The following MED12L variants were observed in gnomAD, a reference collection of about 807,000 sequenced individuals.
MED12L encodes the protein mediator complex subunit 12L.
A neutral mutation model predicts 281.3 loss-of-function variants in MED12L; 60 were observed. That is an observed-to-expected ratio of 0.21 (90% CI 0.17 to 0.26). MED12L has a LOEUF of 0.26. Ranked by LOEUF, MED12L falls within the 10% of genes least tolerant of loss-of-function variation. The pLI, the probability that MED12L is intolerant of heterozygous loss-of-function variation, is 1.00. For missense variants in MED12L, 2,146 were observed against 2,680.9 expected (o/e 0.80, Z 4.41); for synonymous variants, 974 against 987.2 (o/e 0.99, Z 0.25).
intron 16 of MED12L, among the ~76,000 whole-genome samples, chr3:151,244,713 A>G (rs1316361273): frequency 4.6e-5 from 7 of 151,600 alleles, no homozygotes; most frequent in African/African-American, 9.7e-5. Context: ...AAGAACTAGA[A>G]AAGCAAGAGC....
intron 16 of MED12L, among the ~76,000 whole-genome samples, chr3:151,247,506 G>C (rs201692271): frequency 6.7e-6 from 1 of 149,422 alleles, no homozygotes; most frequent in Non-Finnish European, 1.5e-5. Context: ...GTAAACTATC[G>C]CAAGAACAAA....
At chr3:151,232,583 T>C (rs1731899581) in intron 16 of MED12L, among the ~76,000 whole-genome samples, 1 of 152,212 alleles carries the variant, frequency 6.6e-6, no homozygotes, top group South Asian at 2.1e-4. Context: ...GTGGCACATA[T>C]ATGCCATGGA....
intron 5 of MED12L, among the ~76,000 whole-genome samples, chr3:151,152,075 G>A (rs933905610): frequency 1.3e-4 from 18 of 134,180 alleles, no homozygotes; most frequent in Admixed American, 1.1e-3. Flanking sequence ...TTGTGGATCA[G>A]TTGAAGGTGG....
intron 11 of MED12L, 104 bp downstream of exon 11, chr3:151,166,086 T>A: frequency 1.1e-6 from 1 of 945,134 alleles, no homozygotes; most frequent in Non-Finnish European, 1.6e-6. Flanking sequence ...TGAAGTGTAG[T>A]ATCTTATGAA....
chr3:151,332,735 G>A (rs927219554), intron 16 of MED12L, among the ~76,000 whole-genome samples: 18 of 135,892 alleles, frequency 1.3e-4, no homozygotes, highest in African/African-American at 3.5e-4. Flanking sequence ...GTAGACTGAC[G>A]TGATTTTTTT....
At chr3:151,236,090 C>G (rs1732722124) in intron 16 of MED12L, among the ~76,000 whole-genome samples, 1 of 152,150 alleles carries the variant, frequency 6.6e-6, no homozygotes, top group African/African-American at 2.4e-5. Flanking sequence ...TAAAGGTAAG[C>G]TTTGCCAGAC....
intron 16 of MED12L, chr3:151,300,030 A>C: frequency 1.4e-6 from 2 of 1,431,986 alleles, no homozygotes; most frequent in Middle Eastern, 1.7e-4. Context: ...GTCATCAATA[A>C]AGTAAGATTT....
chr3:151,394,621 A>G (rs1443964987), intron 38 of MED12L, 35 bp from the exon 39 acceptor site: 1 of 1,610,696 alleles, frequency 6.2e-7, no homozygotes, highest in Non-Finnish European at 8.5e-7. Flanking sequence ...GCATTAACGT[A>G]GTTAGAAAGT....
intron 16 of MED12L, among the ~76,000 whole-genome samples, chr3:151,285,294 C>T (rs1229026792): frequency 6.6e-6 from 1 of 151,974 alleles, no homozygotes; most frequent in Non-Finnish European, 1.5e-5. Flanking sequence ...ACCATCCTGG[C>T]TAACACGGTG....
intron 2 of MED12L, among the ~76,000 whole-genome samples, chr3:151,115,530 A>G (rs1385379663): frequency 6.6e-6 from 1 of 150,922 alleles, no homozygotes; most frequent in Non-Finnish European, 1.5e-5. Flanking sequence ...TGTTTTTAGT[A>G]GAGATGGGGT....
intron 2 of MED12L, among the ~76,000 whole-genome samples, chr3:151,091,272 T>C (rs76752277): frequency 0.011 from 1,669 of 152,206 alleles, 42 homozygotes; most frequent in African/African-American, 0.038. Flanking sequence ...TTAGGAGAGC[T>C]GGTGGTGATG....
At chr3:151,376,606 T>A (rs1273456281) in intron 28 of MED12L, among the ~76,000 whole-genome samples, 194 bp from the exon 29 acceptor site, 3 of 152,182 alleles carry the variant, frequency 2.0e-5, no homozygotes, top group Non-Finnish European at 4.4e-5. Context: ...AATTAATAAT[T>A]AATGTTTCTG....
At chr3:151,188,588 A>C in intron 13 of MED12L, 108 bp downstream of exon 13, 3 of 1,175,238 alleles carry the variant, frequency 2.6e-6, no homozygotes, top group Non-Finnish European at 2.3e-6. Context: ...TTGGCACTGA[A>C]TATAATGTAT....
intron 16 of MED12L, among the ~76,000 whole-genome samples, chr3:151,226,994 C>T (rs1730629593): frequency 1.3e-5 from 2 of 152,204 alleles, no homozygotes; most frequent in South Asian, 2.1e-4. Context: ...GCCCCTGGCA[C>T]AAGGAGAGCT....
intron 16 of MED12L, among the ~76,000 whole-genome samples, chr3:151,251,874 A>G (rs908186204): frequency 6.6e-6 from 1 of 152,180 alleles, no homozygotes; most frequent in Admixed American, 6.5e-5. Flanking sequence ...TGATCTGTTT[A>G]TATCTGATAT....
chr3:151,397,238 A>G (rs374213059), intron 39 of MED12L, among the ~76,000 whole-genome samples: 1 of 152,224 alleles, frequency 6.6e-6, no homozygotes, highest in African/African-American at 2.4e-5. Flanking sequence ...GACTCACTTC[A>G]TATTGTTTTT....
intron 5 of MED12L, among the ~76,000 whole-genome samples, chr3:151,131,673 A>G (rs1298254315): frequency 6.6e-6 from 1 of 152,214 alleles, no homozygotes; most frequent in East Asian, 1.9e-4. Flanking sequence ...TGGAAAGGTT[A>G]TGTAATTTCT....
chr3:151,116,681 G>A lies in MED12L; in HGVS notation c.204+239G>A, dbSNP rs191840343. Among the ~76,000 whole-genome samples, 340 of 152,094 alleles carry A rather than the reference G, an allele frequency of 2.2e-3. 8 individuals are homozygous for A. The South Asian group carries it at 0.059, about 26-fold the overall frequency. On this transcript the variant is annotated intron_variant, in intron 3 of 44. Coordinates refer to ENST00000687756, the MANE Select transcript of MED12L (RefSeq NM_001393769.1). ...CTGCCTCTCCCTCCTCCCCATTCCTGCCTTTTTTTAAAAAGGCTTTTATGA... is the reference window on the plus strand; with the variant it reads ...CTGCCTCTCCCTCCTCCCCATTCCTACCTTTTTTTAAAAAGGCTTTTATGA...
At chr3:151,168,792 G>A (rs1416969024) in intron 11 of MED12L, among the ~76,000 whole-genome samples, 4 of 151,932 alleles carry the variant, frequency 2.6e-5, no homozygotes, top group African/African-American at 9.7e-5. Context: ...TGCAACCTCT[G>A]CCTCTCAGGT....
Sources: allele counts gnomAD v4.1 joint callset (sites outside exome capture counted in the v4.1 genomes callset), GRCh38; gene constraint gnomAD v4.1.1; transcripts MANE v1.5; gene names NCBI Gene and HGNC (gene_info 2026-07-23, HGNC 2026-07-21).